Variants in MTERF4 observed in about 807,000 individuals in gnomAD.
MTERF4 encodes mitochondrial transcription termination factor 4, also known as transcription termination factor 4, mitochondrial.
Under a neutral mutation model 22.5 loss-of-function variants are expected in MTERF4, and 17 were observed. The ratio of observed to expected loss-of-function variants is 0.75; its 90% CI spans 0.52 to 1.13. MTERF4 has a LOEUF of 1.13. Ranked by LOEUF, MTERF4 falls within the 50% of genes most tolerant of loss-of-function variation. The pLI is 0.00. For missense variants in MTERF4, 420 were observed against 466.8 expected (o/e 0.90, Z 0.92); for synonymous variants, 165 against 175.3 (o/e 0.94, Z 0.47).
downstream of MTERF4, chr2:241,071,365 CT>C: frequency 1.6e-6 from 1 of 609,034 alleles, no homozygotes; most frequent in South Asian, 1.9e-5. Context: ...CGCATGGCTC[CT>C]CCTCAGAAGG....
At chr2:241,056,199 T>C in the MTERF4 span, among the ~76,000 whole-genome samples, 2 of 152,104 alleles carry the variant, frequency 1.3e-5, no homozygotes, top group South Asian at 2.1e-4. Flanking sequence ...ATTGAGAGAA[T>C]AGAAAATTTG....
downstream of MTERF4, chr2:241,067,618 A>G (rs79902683): frequency 0.013 from 7,799 of 603,242 alleles, 431 homozygotes; most frequent in East Asian, 0.11. Flanking sequence ...ACTCAGCCCG[A>G]GTTCCCTGAG....
downstream of MTERF4, among the ~76,000 whole-genome samples, chr2:241,086,050 A>T (rs1460535049): frequency 1.3e-5 from 2 of 151,854 alleles, no homozygotes; most frequent in Non-Finnish European, 2.9e-5. Flanking sequence ...GTATTTTAGT[A>T]GAGACAGGGT....
the MTERF4 span, chr2:241,064,940 G>T: frequency 1.3e-6 from 2 of 1,585,080 alleles, no homozygotes; most frequent in Non-Finnish European, 8.6e-7. This position sits in a 1 kb window ranked among gnomAD's most constrained non-coding sequence, Gnocchi z 7.0. Context: ...GGCTACACGG[G>T]CGAGGACTGC....
In MTERF4 at chr2:241,099,427, G is replaced by A. The variant is rs1317564862; in HGVS notation, c.489C>T (p.Ser163=). The A allele has an allele frequency of 1.9e-6, 3 of 1,613,968 alleles. No individual in the cohort carries two copies. The highest frequency in any genetic ancestry group is 2.5e-6 in the Non-Finnish European group (3 of 1,179,930). The stretch of plus-strand genomic sequence containing the variant: ...CAAGCCCAAGCTTTTGCAGGTAACT[G>A]GAGCGCTTCCTCATTTGCATAATAG... The part of the protein sequence containing the change: ...KLPIMQMRKR[S]SYLQKLGLGE... Residue 163 remains serine, a synonymous_variant, in exon 2 of 4, where the codon TCC becomes TCT. Coordinates refer to ENST00000391980, the MANE Select transcript of MTERF4 (RefSeq NM_182501.4).
downstream of MTERF4, chr2:241,069,777 G>GCCT: frequency 1.1e-6 from 1 of 944,382 alleles, no homozygotes; most frequent in South Asian, 1.7e-5. The surrounding 1 kb of genome is among the most constrained non-coding windows in gnomAD (Gnocchi z 4.9). Flanking sequence ...CCCACACCCC[G>GCCT]CCTCGGCACT....
chr2:241,053,353 G>A, the MTERF4 span: 29 of 1,538,820 alleles, frequency 1.9e-5, no homozygotes, highest in African/African-American at 3.1e-4. Context: ...TTGGGGTGGG[G>A]CAGGTGGGGC....
chr2:241,056,661 A>G, the MTERF4 span, among the ~76,000 whole-genome samples: 1 of 139,162 alleles, frequency 7.2e-6, no homozygotes, highest in Non-Finnish European at 1.5e-5. Context: ...GCTCACTGCA[A>G]TCTCCGCCTC....
chr2:241,094,216 T>G (rs1254766444), downstream of MTERF4: 1 of 432,490 alleles, frequency 2.3e-6, no homozygotes, highest in African/African-American at 2.1e-5. This position sits in a 1 kb window ranked among gnomAD's most constrained non-coding sequence, Gnocchi z 4.3. Context: ...ATCTTTGCTG[T>G]GCCCACTGTC....
Position 241,102,140 on chromosome 2 carries a change from C to A in MTERF4, c.21+113G>T, listed in dbSNP as rs2125392491. On this transcript the variant is annotated intron_variant, in intron 1 of 3. Coordinates refer to ENST00000391980, the MANE Select transcript of MTERF4 (RefSeq NM_182501.4). ...CAAAACCAGGTCAGCGTGCACGGAC[C>A]TCCGGGAGGGCTCCACGACCTGGCC... 2.7e-6 allele frequency: 4 copies of A among 1,463,122 alleles called. No individual in the cohort carries two copies. The East Asian group carries it at 1.0e-4, about 37-fold the overall frequency. The allele number at this position is 1,463,122 out of a possible 1,614,324, so 90.6% of individuals were successfully genotyped here.
At chr2:241,065,333 A>T in the MTERF4 span, 5 of 1,612,674 alleles carry the variant, frequency 3.1e-6, no homozygotes, top group African/African-American at 6.7e-5. Flanking sequence ...AGATGGAGAG[A>T]GTGGAGGAGA....
intron 1 of MTERF4, chr2:241,101,189 T>G: frequency 2.1e-6 from 1 of 467,112 alleles, no homozygotes; most frequent in Non-Finnish European, 4.5e-6. Flanking sequence ...CTGGGAGCCC[T>G]GAGCTTGTTT....
At chr2:241,067,456 GC>G (rs552862514), downstream of MTERF4, among the ~76,000 whole-genome samples, 21 of 152,332 alleles carry the variant, frequency 1.4e-4, 2 homozygotes, top group South Asian at 4.4e-3. Context: ...AGGGACTCCG[GC>G]CCATCCCCTG....
chr2:241,094,534 G>A (rs763420059), downstream of MTERF4: 11 of 372,420 alleles, frequency 3.0e-5, no homozygotes, highest in African/African-American at 8.6e-5. This position sits in a 1 kb window ranked among gnomAD's most constrained non-coding sequence, Gnocchi z 4.3. Flanking sequence ...AAAGGAACCC[G>A]GCTGAAAAAC....
the MTERF4 span, among the ~76,000 whole-genome samples, chr2:241,062,201 T>A: frequency 3.9e-5 from 6 of 152,162 alleles, no homozygotes; most frequent in Admixed American, 3.9e-4. Context: ...ACCCAGAGAT[T>A]CTTATCGCAA....
chr2:241,066,067 C>T, the MTERF4 span, among the ~76,000 whole-genome samples: 1 of 152,100 alleles, frequency 6.6e-6, no homozygotes, highest in Non-Finnish European at 1.5e-5. Flanking sequence ...ATCGGTGGCT[C>T]AATCGGGAAG....
downstream of MTERF4, chr2:241,082,307 G>A: frequency 6.2e-7 from 1 of 1,613,640 alleles, no homozygotes; most frequent in South Asian, 1.1e-5. Context: ...CCCTGCACAA[G>A]GCTGTTCTCC....
chr2:241,051,679 G>T, the MTERF4 span: 1 of 1,263,580 alleles, frequency 7.9e-7, no homozygotes, highest in South Asian at 1.6e-5. This position sits in a 1 kb window ranked among gnomAD's most constrained non-coding sequence, Gnocchi z 4.7. Context: ...TGCCAGGAGG[G>T]TATAGTGGCT....
At chr2:241,050,857 C>T in the MTERF4 span, among the ~76,000 whole-genome samples, 2,320 of 152,308 alleles carry the variant, frequency 0.015, 54 homozygotes, top group African/African-American at 0.053. Flanking sequence ...GCCCACATCT[C>T]CTCACTAGAC....
Sources: allele counts gnomAD v4.1 joint callset (sites outside exome capture counted in the v4.1 genomes callset), GRCh38; gene constraint gnomAD v4.1.1; non-coding constraint Gnocchi (gnomAD v3.1); transcripts MANE v1.5; gene names NCBI Gene and HGNC (gene_info 2026-07-23, HGNC 2026-07-21).